The following SCIN variants were observed in gnomAD, a reference collection of about 807,000 sequenced individuals.
SCIN encodes scinderin.
Under a neutral mutation model 91.8 loss-of-function variants are expected in SCIN, and 91 were observed. That is an observed-to-expected ratio of 0.99 (90% confidence interval 0.84 to 1.18). The LOEUF (loss-of-function observed/expected upper bound fraction) is 1.18. SCIN is among the 50% of genes most tolerant of loss of function. SCIN has a pLI of 0.00. For synonymous variants in SCIN, 367 were observed against 312.6 expected, an observed-to-expected ratio of 1.17 and a Z score of -1.84; for missense variants, 1,087 against 863.9, an observed-to-expected ratio of 1.26 and a Z score of -3.24.
intron 8 of SCIN, among the ~76,000 whole-genome samples, chr7:12,627,846 G>A (rs956569165): frequency 6.6e-6 from 1 of 152,144 alleles, no homozygotes; most frequent in Admixed American, 6.5e-5. Flanking sequence ...TCCTAGGGCT[G>A]CTGAAATCTG....
At chr7:12,637,989 A>G (rs1290075547) in intron 10 of SCIN, among the ~76,000 whole-genome samples, 1 of 152,180 alleles carries the variant, frequency 6.6e-6, no homozygotes, top group Non-Finnish European at 1.5e-5. Context: ...TGTGTCTAAG[A>G]GACTGCTGTT....
intron 3 of SCIN, among the ~76,000 whole-genome samples, chr7:12,592,398 G>A (rs1449770448): frequency 6.6e-6 from 1 of 152,166 alleles, no homozygotes; most frequent in Non-Finnish European, 1.5e-5. Flanking sequence ...CATGAGCAGA[G>A]CTTGTTTACG....
intron 3 of SCIN, among the ~76,000 whole-genome samples, chr7:12,583,996 C>T (rs1029311244): frequency 6.6e-6 from 1 of 152,110 alleles, no homozygotes; most frequent in Non-Finnish European, 1.5e-5. Context: ...TTTTCCTATA[C>T]TCAAAAGGGA....
intron 3 of SCIN, among the ~76,000 whole-genome samples, chr7:12,600,536 G>A (rs1782936965): frequency 6.6e-6 from 1 of 152,110 alleles, no homozygotes; most frequent in African/African-American, 2.4e-5. Flanking sequence ...ATACGTGTAG[G>A]AAAAAATATT....
At chr7:12,582,141 G>A (rs543610356) in intron 3 of SCIN, among the ~76,000 whole-genome samples, 1 of 152,322 alleles carries the variant, frequency 6.6e-6, no homozygotes, top group African/African-American at 2.4e-5. Flanking sequence ...CTTGTCTATG[G>A]AATTTGCTCA....
rs1297625763 is a variant in SCIN, at chr7:12,622,726, T to G, written c.667-75T>G. ...AAATATTTTATAATCCATGTCTTTA[T>G]AAGTGTATTTTTCTAACTCTGCATC... On this transcript the variant is annotated intron_variant, in intron 4 of 15. Transcript: ENST00000297029. The G allele has an allele frequency of 3.1e-6, 3 of 979,644 alleles. No individual in the cohort carries two copies. The East Asian group carries it at 7.2e-5, about 23-fold the overall frequency. The allele number at this position is 979,644 out of a possible 1,614,324, so 60.7% of individuals were successfully genotyped here.
chr7:12,640,339 C>G lies in SCIN; in HGVS notation c.1411-8C>G. On this transcript the variant is annotated splice_polypyrimidine_tract_variant and splice_region_variant and intron_variant, in intron 10 of 15. Coordinates refer to ENST00000297029, the MANE Select transcript of SCIN (RefSeq NM_001112706.3). ...TATATTTCTTTTATTCCCCCTCTCC[C>G]CCATCAGATCCGAGTCTCCCAAGGC... 6.4e-7 allele frequency: 1 copy of G among 1,572,698 alleles called. No individual in the cohort carries two copies. The highest frequency in any genetic ancestry group is 1.2e-5 in the South Asian group (1 of 83,134).
Position 12,652,578 on chromosome 7 carries a change from C to A in SCIN, c.2021-10C>A. The A allele has an allele frequency of 2.5e-6, 4 of 1,611,264 alleles. No individual in the cohort carries two copies. The highest frequency in any genetic ancestry group is 1.7e-5 in the Admixed American group (1 of 59,612). On this transcript the variant is annotated splice_polypyrimidine_tract_variant and intron_variant, in intron 15 of 15. Transcript: ENST00000297029. Reference sequence around the variant, plus strand: ...TAACTGAATTTATATGTCTTTACAACTTTTTTTAGCCAAAATGTACCTTGA... The same window carrying A: ...TAACTGAATTTATATGTCTTTACAAATTTTTTTAGCCAAAATGTACCTTGA...
chr7:12,605,598 T>C (rs1783064458), intron 4 of SCIN, among the ~76,000 whole-genome samples: 1 of 152,190 alleles, frequency 6.6e-6, no homozygotes, highest in Non-Finnish European at 1.5e-5. Context: ...TACAATATTT[T>C]AAATAATTTT....
At chr7:12,601,050 C>T (rs894866630) in intron 3 of SCIN, among the ~76,000 whole-genome samples, 2 of 152,204 alleles carry the variant, frequency 1.3e-5, no homozygotes, top group Non-Finnish European at 2.9e-5. Flanking sequence ...AGGAAAGAAA[C>T]ACCCTTTGAC....
chr7:12,658,227 G>C lies in SCIN; in HGVS notation c.*5512G>C, dbSNP rs867099888. On this transcript the variant is annotated 3_prime_UTR_variant, in exon 16 of 16. Coordinates refer to ENST00000297029, the MANE Select transcript of SCIN (RefSeq NM_001112706.3). The stretch of plus-strand genomic sequence containing the variant: ...CAAATTTGAGTTTTCCTAATTATTT[G>C]ACATTGTCATTAGCTTGTGATCCTT... The C allele has an allele frequency of 6.6e-6, 1 of 152,184 alleles. No individual in the cohort carries two copies. The highest frequency in any genetic ancestry group is 2.1e-4 in the South Asian group (1 of 4,828). 9.4% of individuals were successfully genotyped at this position (152,184 alleles called of 1,614,324 possible). A position where few individuals can be genotyped will look rare whatever the true frequency, so the allele number is the denominator to read the frequency against.
chr7:12,584,968 T>C (rs542963689), intron 3 of SCIN, among the ~76,000 whole-genome samples: 76 of 152,158 alleles, frequency 5.0e-4, no homozygotes, highest in Admixed American at 1.1e-3. Flanking sequence ...GGAGTAGGAA[T>C]TCCTGTGGTG....
intron 3 of SCIN, among the ~76,000 whole-genome samples, chr7:12,586,518 T>G (rs1223934871): frequency 6.6e-6 from 1 of 152,156 alleles, no homozygotes; most frequent in Non-Finnish European, 1.5e-5. Context: ...AAAAACATTA[T>G]GGAAGTTTCT....
intron 1 of SCIN, among the ~76,000 whole-genome samples, chr7:12,573,007 G>T (rs1014980269): frequency 2.0e-5 from 3 of 147,916 alleles, no homozygotes; most frequent in African/African-American, 7.4e-5. Context: ...AGCCTTTAGA[G>T]AAAAAAAAAA....
rs1323579983 is a variant in SCIN, at chr7:12,656,415, A to C, written c.*3700A>C. 2 of 152,146 alleles carry C rather than the reference A, an allele frequency of 1.3e-5. No individual in the cohort carries two copies. The highest frequency in any genetic ancestry group is 2.9e-5 in the Non-Finnish European group (2 of 68,030). 9.4% of individuals were successfully genotyped at this position (152,146 alleles called of 1,614,324 possible). On this transcript the variant is annotated 3_prime_UTR_variant, in exon 16 of 16. Coordinates refer to ENST00000297029, the MANE Select transcript of SCIN (RefSeq NM_001112706.3). ...TTTTAAACCTAATTTATTTATTTTA[A>C]ACCTAATTTATTTTAAACCTAATTT...
intron 4 of SCIN, among the ~76,000 whole-genome samples, chr7:12,607,563 GTCTGTGTT>G (rs1270872149): frequency 6.6e-6 from 1 of 152,200 alleles, no homozygotes; most frequent in Non-Finnish European, 1.5e-5. Flanking sequence ...AAAATGTGAT[GTCTGTGTT>G]TCCAAGACTC....
chr7:12,608,321 GCA>G (rs35120183), intron 4 of SCIN, among the ~76,000 whole-genome samples: 65,399 of 148,592 alleles, frequency 0.44, 14,800 homozygotes, highest in Admixed American at 0.59. Context: ...ATGCACACAT[GCA>G]CACACACACA....
chr7:12,659,809 C>G lies in SCIN; in HGVS notation c.*7094C>G, dbSNP rs1784229177. 5.9e-6 allele frequency: 1 copy of G among 170,882 alleles called. No individual in the cohort carries two copies. Among genetic ancestry groups the G allele is most frequent in the Non-Finnish European group, 1.2e-5 (1 of 80,146 alleles). 10.6% of individuals were successfully genotyped at this position (170,882 alleles called of 1,614,324 possible). A position where few individuals can be genotyped will look rare whatever the true frequency, so the allele number is the denominator to read the frequency against. On this transcript the variant is annotated 3_prime_UTR_variant, in exon 16 of 16. Coordinates refer to ENST00000297029, the MANE Select transcript of SCIN (RefSeq NM_001112706.3). ...ACCATGTCAGGCCTCTGAGCCCAAG[C>G]TAAGCCATCATATCCCCTGTGACCT...
chr7:12,600,447 A>G (rs188358991), intron 3 of SCIN, among the ~76,000 whole-genome samples: 23 of 152,328 alleles, frequency 1.5e-4, no homozygotes, highest in Admixed American at 1.3e-3. Flanking sequence ...AATCACCACT[A>G]AAGAACTTAT....
Sources: gnomAD v4.1 joint callset for allele counts (sites outside exome capture counted in the v4.1 genomes callset) on GRCh38, gnomAD v4.1.1 for gene constraint, MANE v1.5 for transcripts, NCBI Gene and HGNC (gene_info 2026-07-23, HGNC 2026-07-21) for gene names.